The following DCHS2 variants were observed in gnomAD, a reference collection of about 807,000 sequenced individuals.
DCHS2 encodes protocadherin-23.
In DCHS2, 142 loss-of-function variants were observed where a neutral mutation model predicts 182.4. The ratio of observed to expected loss-of-function variants is 0.78; its 90% confidence interval spans 0.68 to 0.89. The LOEUF (loss-of-function observed/expected upper bound fraction) is 0.89. DCHS2 is among the 40% of genes least tolerant of loss of function. DCHS2 has a pLI of 0.00. For synonymous variants in DCHS2, 1,740 were observed against 1,663.3 expected (o/e 1.05, Z -1.12); for missense variants, 4,319 against 4,198.6 (o/e 1.03, Z -0.79).
At position 154,304,777 on chromosome 4, in the gene DCHS2, T is replaced by C. The variant is rs1735375758; in HGVS notation, c.5497A>G (p.Ser1833Gly). Residue 1833 changes from serine to glycine, a missense_variant, in exon 12 of 20, where the codon AGT becomes GGT. Coordinates refer to ENST00000357232, the MANE Select transcript of DCHS2 (RefSeq NM_001358235.2). ...NDHAPEFIVS[S>G]YDIEVLENQE... Reference sequence around the variant, plus strand: ...TTTTCCAGAACCTCAATGTCATAACTGGAAACAATAAACTCTGGTGCGTGA... The same window carrying C: ...TTTTCCAGAACCTCAATGTCATAACCGGAAACAATAAACTCTGGTGCGTGA... 6.2e-7 allele frequency: 1 copy of C among 1,614,016 alleles called. No individual in the cohort carries two copies. The highest frequency in any genetic ancestry group is 1.7e-5 in the Admixed American group (1 of 60,010).
In DCHS2 at chr4:154,491,579, C is replaced by G. The variant is rs1258220238; in HGVS notation, c.-224G>C. Reference sequence around the variant, plus strand: ...GGAAGTAAGCTCTAGCTGCCTCTGCCGCGGCAGCCACCTCTTCTGCCCCTG... The same window carrying G: ...GGAAGTAAGCTCTAGCTGCCTCTGCGGCGGCAGCCACCTCTTCTGCCCCTG... On this transcript the variant is annotated 5_prime_UTR_variant, in exon 1 of 20. Coordinates refer to ENST00000357232, the MANE Select transcript of DCHS2 (RefSeq NM_001358235.2). The G allele has an allele frequency of 2.2e-6, 3 of 1,341,146 alleles. No homozygotes were observed. The highest frequency in any genetic ancestry group is 2.8e-6 in the Non-Finnish European group (3 of 1,053,398). 83.1% of individuals were successfully genotyped at this position (1,341,146 alleles called of 1,614,324 possible).
intron 1 of DCHS2, among the ~76,000 whole-genome samples, chr4:154,421,588 T>C (rs1367963666): frequency 6.6e-6 from 1 of 152,016 alleles, no homozygotes; most frequent in Non-Finnish European, 1.5e-5. Flanking sequence ...AGAGACAGGG[T>C]TTCTCTATGT....
At chr4:154,393,189 T>C (rs1332601084) in intron 1 of DCHS2, among the ~76,000 whole-genome samples, 1 of 152,160 alleles carries the variant, frequency 6.6e-6, no homozygotes, top group Non-Finnish European at 1.5e-5. Context: ...AATTTAAACC[T>C]AGGAAATGTT....
At position 154,408,835 on chromosome 4, in the gene DCHS2, C is replaced by T. The variant is rs144999394; in HGVS notation, c.2053-31391G>A. Among the ~76,000 whole-genome samples, 139 of 152,192 alleles carry T rather than the reference C, an allele frequency of 9.1e-4. 1 individual carries two copies. Among genetic ancestry groups the T allele is most frequent in the African/African-American group, 2.4e-3 (100 of 41,518 alleles). Reference sequence around the variant, plus strand: ...TGCGGAGAAAAAGTAAGCAAGGGGACCCCAGCAGTCCTCATCACCACTTTT... The same window carrying T: ...TGCGGAGAAAAAGTAAGCAAGGGGATCCCAGCAGTCCTCATCACCACTTTT... On this transcript the variant is annotated intron_variant, in intron 1 of 19. Transcript: ENST00000357232.
At chr4:154,417,202 TGTGAGAGAGAGAGA>T (rs1464932754) in intron 1 of DCHS2, among the ~76,000 whole-genome samples, 1,194 of 41,752 alleles carry the variant, frequency 0.029, 17 homozygotes, top group East Asian at 0.082. Flanking sequence ...TGTGTGTGTG[TGTGAGAGAGAGAGA>T]GAGAGAGAGA....
chr4:154,256,652 A>G (rs1409947785), intron 15 of DCHS2, among the ~76,000 whole-genome samples: 1 of 152,174 alleles, frequency 6.6e-6, no homozygotes, highest in East Asian at 1.9e-4. Flanking sequence ...ACAAGTTGAC[A>G]AATTAATTAA....
At chr4:154,269,823 T>G in intron 14 of DCHS2, 77 bp downstream of exon 14, 1 of 1,550,000 alleles carries the variant, frequency 6.5e-7, no homozygotes, top group Non-Finnish European at 8.7e-7. Flanking sequence ...CTCTAACAAT[T>G]TCTACTTTGC....
chr4:154,381,684 A>G, intron 1 of DCHS2, among the ~76,000 whole-genome samples: 1 of 152,176 alleles, frequency 6.6e-6, no homozygotes, highest in African/African-American at 2.4e-5. Flanking sequence ...TCCCATTTAC[A>G]ATAGCCACCA....
intron 3 of DCHS2, chr4:154,357,329 T>C (rs915841175): frequency 1.3e-6 from 2 of 1,598,576 alleles, no homozygotes; most frequent in African/African-American, 2.7e-5. Context: ...AGAGTCCTAA[T>C]TAGGGAAAAG....
intron 1 of DCHS2, among the ~76,000 whole-genome samples, chr4:154,383,810 C>T (rs1312670704): frequency 6.6e-6 from 1 of 151,762 alleles, no homozygotes; most frequent in Non-Finnish European, 1.5e-5. Flanking sequence ...GTACACTCAA[C>T]TCAGCAAAAT....
chr4:154,299,143 AGATTT>A (rs1420773542), intron 12 of DCHS2, among the ~76,000 whole-genome samples: 16 of 152,234 alleles, frequency 1.1e-4, no homozygotes, highest in African/African-American at 3.6e-4. Flanking sequence ...AGAAATGAAC[AGATTT>A]GATTTGTAGT....
chr4:154,376,020 G>T (rs1287932845), intron 2 of DCHS2, among the ~76,000 whole-genome samples: 1 of 151,968 alleles, frequency 6.6e-6, no homozygotes, highest in Non-Finnish European at 1.5e-5. Context: ...AAAAAAATTG[G>T]TATACTAATG....
At chr4:154,450,405 C>A (rs1316538992) in intron 1 of DCHS2, among the ~76,000 whole-genome samples, 1 of 152,138 alleles carries the variant, frequency 6.6e-6, no homozygotes, top group Non-Finnish European at 1.5e-5. Flanking sequence ...CTTTACCAAT[C>A]GCTAAAAATA....
At chr4:154,433,350 A>T (rs1238667108) in intron 1 of DCHS2, among the ~76,000 whole-genome samples, 4 of 148,492 alleles carry the variant, frequency 2.7e-5, no homozygotes, top group Admixed American at 1.3e-4. Flanking sequence ...CGGACTTCTC[A>T]TCTCCAAAAC....
intron 1 of DCHS2, among the ~76,000 whole-genome samples, chr4:154,377,837 T>C (rs1730983373): frequency 6.6e-6 from 1 of 152,190 alleles, no homozygotes; most frequent in African/African-American, 2.4e-5. Flanking sequence ...TGATTCCCTC[T>C]CATACCTAGG....
At chr4:154,343,035 A>G (rs1345029918) in intron 3 of DCHS2, among the ~76,000 whole-genome samples, 1 of 152,222 alleles carries the variant, frequency 6.6e-6, no homozygotes, top group African/African-American at 2.4e-5. Context: ...ACCTCCTTGT[A>G]TATCTTCATC....
chr4:154,396,101 T>C (rs1731918536), intron 1 of DCHS2, among the ~76,000 whole-genome samples: 2 of 152,154 alleles, frequency 1.3e-5, no homozygotes, highest in South Asian at 4.1e-4. Flanking sequence ...TTTTCTGGGA[T>C]TTTTCTTTTC....
At chr4:154,277,630 CAAA>C (rs35543228) in intron 13 of DCHS2, among the ~76,000 whole-genome samples, 17 of 102,508 alleles carry the variant, frequency 1.7e-4, no homozygotes, top group African/African-American at 4.7e-4. Flanking sequence ...GAAATCACAC[CAAA>C]AAAAAAAAAA....
intron 1 of DCHS2, among the ~76,000 whole-genome samples, chr4:154,403,456 T>C (rs1732275879): frequency 6.6e-6 from 1 of 152,226 alleles, no homozygotes; most frequent in Admixed American, 6.5e-5. Flanking sequence ...TAATTTACAT[T>C]GATTTTCAAA....
Sources: allele counts gnomAD v4.1 joint callset (sites outside exome capture counted in the v4.1 genomes callset), GRCh38; gene constraint gnomAD v4.1.1; transcripts MANE v1.5; gene names NCBI Gene and HGNC (gene_info 2026-07-23, HGNC 2026-07-21).